Variants in NTM observed in about 807,000 individuals in gnomAD.
NTM encodes the protein IgLON family member 2.
In NTM, 13 loss-of-function variants were observed where a neutral mutation model predicts 42.1. The observed-to-expected ratio is 0.31, with a 90% CI of 0.20 to 0.49. The LOEUF (loss-of-function observed/expected upper bound fraction) is 0.49, where lower values mean the gene tolerates loss of function less well. Among genes scored for constraint, NTM ranks in the 20% least tolerant of loss-of-function variants. The pLI, the probability that NTM is intolerant of heterozygous loss-of-function variation, is 0.99. For missense variants in NTM, 373 were observed against 452.8 expected, an observed-to-expected ratio of 0.82 and a Z score of 1.60; for synonymous variants, 187 against 179.2, an observed-to-expected ratio of 1.04 and a Z score of -0.35.
intron 2 of NTM, among the ~76,000 whole-genome samples, chr11:132,094,985 G>A (rs2060786382): frequency 6.6e-6 from 1 of 152,200 alleles, no homozygotes; most frequent in African/African-American, 2.4e-5. Context: ...TCTCTGTAGT[G>A]ACAGCTCCAT....
intron 1 of NTM, among the ~76,000 whole-genome samples, chr11:131,673,592 G>A (rs2070809084): frequency 6.6e-6 from 1 of 152,212 alleles, no homozygotes; most frequent in Admixed American, 6.5e-5. Flanking sequence ...CAGTTAGCGG[G>A]TGATGCTTGC....
chr11:131,394,550 C>T (rs1944347535), intron 1 of NTM, among the ~76,000 whole-genome samples: 1 of 152,196 alleles, frequency 6.6e-6, no homozygotes. Flanking sequence ...CTTCACCTCT[C>T]TGGATTCTTA....
intron 2 of NTM, among the ~76,000 whole-genome samples, chr11:132,058,939 T>G (rs1355687196): frequency 6.6e-6 from 1 of 152,184 alleles, no homozygotes; most frequent in African/African-American, 2.4e-5. Flanking sequence ...ATTGTGAAAA[T>G]GTGAAGTAGA....
At chr11:131,801,356 A>G (rs543228553) in intron 1 of NTM, among the ~76,000 whole-genome samples, 3 of 152,296 alleles carry the variant, frequency 2.0e-5, no homozygotes, top group African/African-American at 7.2e-5. Context: ...TGTCCAGGTC[A>G]TCCCTGAGCG....
intron 1 of NTM, among the ~76,000 whole-genome samples, chr11:131,889,972 A>G (rs1186826788): frequency 2.0e-5 from 3 of 151,972 alleles, no homozygotes; most frequent in Non-Finnish European, 4.4e-5. Flanking sequence ...CTTGTATTCA[A>G]AGTCTCATTT....
At chr11:131,390,588 G>A (rs534905478) in intron 1 of NTM, among the ~76,000 whole-genome samples, 2 of 152,134 alleles carry the variant, frequency 1.3e-5, no homozygotes, top group Admixed American at 1.3e-4. Flanking sequence ...ATTGAGGTCG[G>A]GGTGGAGAAG....
At chr11:132,278,066 CA>C (rs1186205299) in intron 4 of NTM, among the ~76,000 whole-genome samples, 1 of 152,230 alleles carries the variant, frequency 6.6e-6, no homozygotes, top group African/African-American at 2.4e-5. Flanking sequence ...TTCACATCAA[CA>C]TCGGCCTTCT....
chr11:131,687,577 G>C (rs1250106766), intron 1 of NTM, among the ~76,000 whole-genome samples: 2 of 152,216 alleles, frequency 1.3e-5, no homozygotes, highest in Non-Finnish European at 2.9e-5. Context: ...TTCGCCCCCG[G>C]GGGTGGCTGC....
At chr11:132,073,224 G>C (rs547846807) in intron 2 of NTM, among the ~76,000 whole-genome samples, 15 of 152,244 alleles carry the variant, frequency 9.9e-5, no homozygotes, top group African/African-American at 3.4e-4. Context: ...ATTTGTGAAG[G>C]GGATCCAGTG....
At chr11:131,839,611 G>C (rs376990217) in intron 1 of NTM, among the ~76,000 whole-genome samples, 1 of 152,156 alleles carries the variant, frequency 6.6e-6, no homozygotes, top group East Asian at 1.9e-4. Flanking sequence ...AGACTTATAG[G>C]TCACCATAAG....
chr11:132,125,718 GGTGTGTGATGT>G (rs1443554763), intron 2 of NTM, among the ~76,000 whole-genome samples: 1 of 324 alleles, frequency 3.1e-3, no homozygotes, highest in Non-Finnish European at 6.6e-3. Flanking sequence ...TGTAGTGTGT[GGTGTGTGATGT>G]GTGTGTGGTA....
chr11:131,522,824 A>C (rs2049936114), intron 1 of NTM, among the ~76,000 whole-genome samples: 1 of 152,238 alleles, frequency 6.6e-6, no homozygotes, highest in Admixed American at 6.5e-5. Context: ...TTCAAGCCCC[A>C]GCTGCTGCAC....
At chr11:131,766,089 G>A (rs1354282581) in intron 1 of NTM, among the ~76,000 whole-genome samples, 1 of 152,156 alleles carries the variant, frequency 6.6e-6, no homozygotes. Flanking sequence ...GGCTGACTGA[G>A]GTCCCATACT....
At chr11:131,406,069 T>C (rs190690111) in intron 1 of NTM, among the ~76,000 whole-genome samples, 9 of 152,338 alleles carry the variant, frequency 5.9e-5, no homozygotes, top group Admixed American at 5.9e-4. Flanking sequence ...TCCTGTTAAT[T>C]TGTTTACTTG....
At chr11:131,442,598 G>C (rs1043121319) in intron 1 of NTM, among the ~76,000 whole-genome samples, 1 of 152,020 alleles carries the variant, frequency 6.6e-6, no homozygotes, top group African/African-American at 2.4e-5. Context: ...GGAGTCCCAA[G>C]TCTCTATTAG....
chr11:132,251,050 T>C (rs1330321357), intron 4 of NTM, among the ~76,000 whole-genome samples: 1 of 152,204 alleles, frequency 6.6e-6, no homozygotes. Context: ...GAGGTCTATG[T>C]AAACTCCATT....
At chr11:132,121,297 C>T (rs956225560) in intron 2 of NTM, among the ~76,000 whole-genome samples, 1 of 152,026 alleles carries the variant, frequency 6.6e-6, no homozygotes, top group Non-Finnish European at 1.5e-5. Flanking sequence ...TGCAAACTAA[C>T]GTCAAGGTCT....
chr11:131,543,282 T>C (rs2053521279), intron 1 of NTM, among the ~76,000 whole-genome samples: 1 of 152,200 alleles, frequency 6.6e-6, no homozygotes, highest in Non-Finnish European at 1.5e-5. Flanking sequence ...GGCAGTCTCC[T>C]CTCTGAAGGC....
At chr11:131,796,147 A>C in intron 1 of NTM, 1 of 985,426 alleles carries the variant, frequency 1.0e-6, no homozygotes, top group Non-Finnish European at 1.2e-6. Flanking sequence ...TGGAAGGGCA[A>C]AATGAAATAT....
Sources: allele counts gnomAD v4.1 joint callset (sites outside exome capture counted in the v4.1 genomes callset), GRCh38; gene constraint gnomAD v4.1.1; transcripts MANE v1.5; gene names NCBI Gene and HGNC (gene_info 2026-07-23, HGNC 2026-07-21).